Variants in RANBP9 observed in about 807,000 individuals in gnomAD.
The protein encoded by RANBP9 is ran-binding protein 9.
Under a neutral mutation model 84.3 loss-of-function variants are expected in RANBP9, and 15 were observed. The ratio of observed to expected loss-of-function variants is 0.18; its 90% CI spans 0.12 to 0.27. The LOEUF (loss-of-function observed/expected upper bound fraction) is 0.27. Among genes scored for constraint, RANBP9 ranks in the 10% least tolerant of loss-of-function variants. RANBP9 has a pLI of 1.00. For synonymous variants in RANBP9, 392 were observed against 349.6 expected, an observed-to-expected ratio of 1.12 and a Z score of -1.35; for missense variants, 809 against 912.8, an observed-to-expected ratio of 0.89 and a Z score of 1.46.
intron 5 of RANBP9, among the ~76,000 whole-genome samples, chr6:13,645,486 T>C (rs1382526895): frequency 1.3e-5 from 2 of 152,196 alleles, no homozygotes; most frequent in East Asian, 3.8e-4. Flanking sequence ...TTTGGCTATG[T>C]CACTAATTGG....
intron 1 of RANBP9, among the ~76,000 whole-genome samples, chr6:13,706,897 CTACTCAGG>C (rs1057189883): frequency 9.9e-5 from 15 of 151,424 alleles, no homozygotes; most frequent in African/African-American, 3.6e-4. Flanking sequence ...AGCTACTCAG[CTACTCAGG>C]AGGCTGAGGC....
chr6:13,710,742 G>A (rs1476745904), intron 1 of RANBP9, among the ~76,000 whole-genome samples, 193 bp downstream of exon 1: 1 of 152,176 alleles, frequency 6.6e-6, no homozygotes, highest in Non-Finnish European at 1.5e-5. Flanking sequence ...CCTTTTCCAA[G>A]AATCTCGCCC....
intron 13 of RANBP9, among the ~76,000 whole-genome samples, chr6:13,623,555 T>C (rs1764517920): frequency 6.6e-6 from 1 of 152,184 alleles, no homozygotes; most frequent in African/African-American, 2.4e-5. Context: ...TGTGGTGTCT[T>C]GAGGGTTCAC....
intron 12 of RANBP9, among the ~76,000 whole-genome samples, chr6:13,629,186 C>G (rs1764707340): frequency 6.6e-6 from 1 of 152,206 alleles, no homozygotes; most frequent in South Asian, 2.1e-4. Flanking sequence ...TCACAGCTCA[C>G]TGCAGCCTCG....
chr6:13,711,322 C>A lies in RANBP9; in HGVS notation c.184G>T (p.Ala62Ser), dbSNP rs1450387543. 3.7e-6 allele frequency: 4 copies of A among 1,092,482 alleles called. No individual in the cohort carries two copies. The highest frequency in any genetic ancestry group is 3.3e-6 in the Non-Finnish European group (3 of 900,166). The allele number at this position is 1,092,482 out of a possible 1,614,324, so 67.7% of individuals were successfully genotyped here. Reference sequence around the variant, plus strand: ...TGGAGGAGCAGGGCGGCCGCCGCGGCCCCTAAGCCTTCGCCGCCCGCACCG... The same window carrying A: ...TGGAGGAGCAGGGCGGCCGCCGCGGACCCTAAGCCTTCGCCGCCCGCACCG... ...GGGAGGEGLG[A>S]AAAALLLHPP... The change falls in exon 1 of 14, where the codon GCC becomes TCC. Residue 62 changes from alanine (A) to serine (S), a missense_variant. Ala to Ser is a moderately conservative substitution (Grantham distance 99, BLOSUM62 1). This residue lies in a region of RANBP9 where 302 missense variants were observed against 240.1 expected (regional missense o/e 1.26). Coordinates refer to ENST00000011619, the MANE Select transcript of RANBP9 (RefSeq NM_005493.3).
Position 13,683,739 on chromosome 6 carries a change from G to GA in RANBP9, c.683+13045dup, listed in dbSNP as rs1374651914. ...TATTTGATTTTCCCTTTTGCATTAAGAATGCATTACCTTGTAATTGGAAAA... is the reference window on the plus strand; with the variant it reads ...TATTTGATTTTCCCTTTTGCATTAAGAAATGCATTACCTTGTAATTGGAAAA... On this transcript the variant is annotated intron_variant, in intron 2 of 13. Coordinates refer to ENST00000011619, the MANE Select transcript of RANBP9 (RefSeq NM_005493.3). Among the ~76,000 whole-genome samples the GA allele has an allele frequency of 3.4e-5, 5 of 148,928 alleles. No homozygotes were observed. The South Asian group carries it at 1.0e-3, about 31-fold the overall frequency.
At chr6:13,652,781 GAAA>G in intron 4 of RANBP9, 100 bp from the exon 5 acceptor site, 1 of 993,016 alleles carries the variant, frequency 1.0e-6, no homozygotes, top group Non-Finnish European at 1.5e-6. Flanking sequence ...AATGGCAAAA[GAAA>G]AAAACATTAA....
chr6:13,625,066 T>G (rs1415454653), intron 13 of RANBP9, among the ~76,000 whole-genome samples: 1 of 152,208 alleles, frequency 6.6e-6, no homozygotes, highest in East Asian at 1.9e-4. Flanking sequence ...TCTCTGATAT[T>G]CAAGCTCTTC....
At chr6:13,626,175 A>C (rs2127758529) in intron 12 of RANBP9, among the ~76,000 whole-genome samples, 1 of 152,270 alleles carries the variant, frequency 6.6e-6, no homozygotes, top group South Asian at 2.1e-4. Context: ...CAGATTTAGG[A>C]ACTGGACACA....
chr6:13,659,312 A>G (rs2127771199), intron 2 of RANBP9, among the ~76,000 whole-genome samples: 1 of 151,868 alleles, frequency 6.6e-6, no homozygotes, highest in East Asian at 1.9e-4. Flanking sequence ...ATGGATTCAT[A>G]TTTGGAAAAA....
chr6:13,705,875 A>AAAAAAAAAAAAG (rs1758101153), intron 1 of RANBP9, among the ~76,000 whole-genome samples: 1 of 150,074 alleles, frequency 6.7e-6, no homozygotes, highest in African/African-American at 2.5e-5. Flanking sequence ...TCTCAAAAAA[A>AAAAAAAAAAAAG]AAAAAAAAAA....
chr6:13,656,543 C>T (rs1765406145), intron 4 of RANBP9, among the ~76,000 whole-genome samples: 1 of 152,086 alleles, frequency 6.6e-6, no homozygotes, highest in Non-Finnish European at 1.5e-5. Context: ...TTTTCCATAA[C>T]CTATTTTATT....
At chr6:13,625,833 G>A in intron 12 of RANBP9, 69 bp from the exon 13 acceptor site, 2 of 1,162,654 alleles carry the variant, frequency 1.7e-6, no homozygotes, top group Non-Finnish European at 2.6e-6. Context: ...ATGTTTCCAA[G>A]TTGAGAGGTA....
chr6:13,689,005 T>G lies in RANBP9; in HGVS notation c.683+7780A>C, dbSNP rs1176689989. 8.6e-4 allele frequency among the ~76,000 whole-genome samples: 43 copies of G among 50,146 alleles called. 1 individual carries two copies. The highest frequency in any genetic ancestry group is 3.2e-3 in the African/African-American group (38 of 11,708). The allele number at this position is 50,146 out of a possible 152,430, so 32.9% of individuals were successfully genotyped here. A position where few individuals can be genotyped will look rare whatever the true frequency, so the allele number is the denominator to read the frequency against. ...CACAAAAAAAAAAAAAAAAAAAAAA[T>G]GCTGGGCATGGTGACGCACACCCAT... is the stretch of plus-strand genomic sequence containing the variant. On this transcript the variant is annotated intron_variant, in intron 2 of 13. Transcript: ENST00000011619.
intron 10 of RANBP9, among the ~76,000 whole-genome samples, chr6:13,636,398 GACTTT>G (rs1040143760): frequency 6.6e-6 from 1 of 152,176 alleles, no homozygotes; most frequent in African/African-American, 2.4e-5. Flanking sequence ...GTTCAAAGTT[GACTTT>G]CTTTCCCTTT....
rs752363260 is a variant in RANBP9, at chr6:13,642,461, G to A, written c.1225+18C>T. The A allele has an allele frequency of 7.3e-7, 1 of 1,373,172 alleles. No homozygotes were observed. Among genetic ancestry groups the A allele is most frequent in the East Asian group, 2.5e-5 (1 of 40,162 alleles). 85.1% of individuals were successfully genotyped at this position (1,373,172 alleles called of 1,614,324 possible). A position where few individuals can be genotyped will look rare whatever the true frequency, so the allele number is the denominator to read the frequency against. On this transcript the variant is annotated intron_variant, in intron 7 of 13. Transcript: ENST00000011619. ...TAATCTGAAAACAAATGTTAGCCAT[G>A]CACCACAGTGTCCTTACTTTGTCTA...
At position 13,639,604 on chromosome 6, in the gene RANBP9, T is replaced by C; in HGVS notation, c.1484A>G (p.His495Arg). The C allele has an allele frequency of 6.2e-7, 1 of 1,612,514 alleles. No homozygotes were observed. The highest frequency in any genetic ancestry group is 8.5e-7 in the Non-Finnish European group (1 of 1,178,508). Reference sequence around the variant, plus strand: ...GCTTCCTTTGCCTGATGCTAAATTGTGGATATTCATTCCATGGCTGGGGCT... The same window carrying C: ...GCTTCCTTTGCCTGATGCTAAATTGCGGATATTCATTCCATGGCTGGGGCT... The part of the protein sequence containing the change: ...SMSPSHGMNI[H>R]NLASGKGSTA... The change falls in exon 9 of 14, where the codon CAC becomes CGC. Residue 495 changes from histidine to arginine, a missense_variant. By Grantham distance (29) the His-to-Arg change is conservative (BLOSUM62 0). Transcript: ENST00000011619.
chr6:13,689,242 A>G (rs567377299), intron 2 of RANBP9, among the ~76,000 whole-genome samples: 6 of 151,930 alleles, frequency 3.9e-5, no homozygotes, highest in African/African-American at 1.4e-4. Flanking sequence ...TCAAGGCTCT[A>G]TAACATCTGA....
intron 5 of RANBP9, among the ~76,000 whole-genome samples, chr6:13,649,310 A>G (rs1430636880): frequency 6.6e-6 from 1 of 152,190 alleles, no homozygotes; most frequent in African/African-American, 2.4e-5. Flanking sequence ...GGGAAAAAAC[A>G]TAACTGGTGA....
Sources: allele counts gnomAD v4.1 joint callset (sites outside exome capture counted in the v4.1 genomes callset), GRCh38; gene constraint gnomAD v4.1.1; regional missense constraint gnomAD v4.1.1; transcripts MANE v1.5; gene names NCBI Gene and HGNC (gene_info 2026-07-23, HGNC 2026-07-21).